Variants in GPC5 observed in about 807,000 individuals in gnomAD.
GPC5 encodes the protein glypican-5.
A neutral mutation model predicts 53.9 loss-of-function variants in GPC5; 47 were observed. The ratio of observed to expected loss-of-function variants is 0.87; its 90% CI spans 0.69 to 1.11. The LOEUF (loss-of-function observed/expected upper bound fraction) is 1.11. GPC5 is among the 50% of genes most tolerant of loss of function. The probability of loss-of-function intolerance (pLI) is 0.00; values close to 1 mark genes in which losing one functional copy is unlikely to be tolerated. For missense variants in GPC5, 748 were observed against 713.1 expected, an observed-to-expected ratio of 1.05 and a Z score of -0.56; for synonymous variants, 286 against 263.3, an observed-to-expected ratio of 1.09 and a Z score of -0.84.
At chr13:92,603,525 T>C (rs1019094463) in intron 7 of GPC5, among the ~76,000 whole-genome samples, 3 of 152,142 alleles carry the variant, frequency 2.0e-5, no homozygotes, top group Admixed American at 6.6e-5. Context: ...GAGGTTTCAA[T>C]GATAGAAATG....
rs187374090 is a variant in GPC5, at chr13:92,589,319, T to C, written c.1562-276963T>C. 7.9e-5 allele frequency among the ~76,000 whole-genome samples: 12 copies of C among 152,276 alleles called. No homozygotes were observed. The East Asian group carries it at 2.1e-3, about 27-fold the overall frequency. Reference sequence around the variant, plus strand: ...AGTTGAAACCTTGAGAGTCATGAGTTCAGTGCAGCAAGGAAGCATCATGCA... The same window carrying C: ...AGTTGAAACCTTGAGAGTCATGAGTCCAGTGCAGCAAGGAAGCATCATGCA... On this transcript the variant is annotated intron_variant, in intron 7 of 7. Coordinates refer to ENST00000377067, the MANE Select transcript of GPC5 (RefSeq NM_004466.6).
intron 5 of GPC5, among the ~76,000 whole-genome samples, chr13:91,851,900 T>C (rs1248525749): frequency 2.7e-5 from 4 of 147,682 alleles, no homozygotes; most frequent in South Asian, 2.1e-4. Flanking sequence ...CAGTCTATCA[T>C]TGTTGGACAT....
intron 5 of GPC5, among the ~76,000 whole-genome samples, chr13:91,868,973 A>G (rs2039114153): frequency 6.6e-6 from 1 of 152,162 alleles, no homozygotes; most frequent in Non-Finnish European, 1.5e-5. Flanking sequence ...GAAAGAAATA[A>G]AGGATCAATT....
At chr13:92,678,062 G>T (rs1887004857) in intron 7 of GPC5, among the ~76,000 whole-genome samples, 1 of 152,048 alleles carries the variant, frequency 6.6e-6, no homozygotes, top group Non-Finnish European at 1.5e-5. Context: ...GTGTTTAGAG[G>T]ATAAGAGTTT....
chr13:92,206,163 T>TA (rs2042334614), intron 7 of GPC5, among the ~76,000 whole-genome samples: 1 of 62,384 alleles, frequency 1.6e-5, no homozygotes, highest in Non-Finnish European at 3.1e-5. Context: ...TTATTTTTTT[T>TA]TTTATTTTTT....
At chr13:91,572,092 T>TGTATATACACACATATGTATATGTAC in intron 2 of GPC5, among the ~76,000 whole-genome samples, 1 of 127,238 alleles carries the variant, frequency 7.9e-6, no homozygotes, top group South Asian at 2.3e-4. Flanking sequence ...TATATGTACA[T>TGTATATACACACATATGTATATGTAC]GTGTGTGTAT....
At chr13:92,461,402 A>G (rs1878473519) in intron 7 of GPC5, among the ~76,000 whole-genome samples, 1 of 152,196 alleles carries the variant, frequency 6.6e-6, no homozygotes, top group Non-Finnish European at 1.5e-5. Context: ...TACTTAACCT[A>G]TGTAGTGTGA....
chr13:92,488,479 A>C (rs1594244164), intron 7 of GPC5, among the ~76,000 whole-genome samples: 1 of 152,142 alleles, frequency 6.6e-6, no homozygotes, highest in Admixed American at 6.5e-5. Context: ...GCCTGCAAAA[A>C]TCCCTCCGTT....
At chr13:92,638,528 C>T (rs1206929798) in intron 7 of GPC5, among the ~76,000 whole-genome samples, 1 of 151,180 alleles carries the variant, frequency 6.6e-6, no homozygotes, top group African/African-American at 2.4e-5. Context: ...GGGCTCTTCC[C>T]CCCATCCCAA....
intron 7 of GPC5, among the ~76,000 whole-genome samples, chr13:92,395,742 A>G (rs1875239001): frequency 6.6e-6 from 1 of 151,810 alleles, no homozygotes; most frequent in Non-Finnish European, 1.5e-5. Context: ...TGGTGCACAT[A>G]TTTCCCTATA....
At chr13:92,445,215 C>T (rs1012713036) in intron 7 of GPC5, among the ~76,000 whole-genome samples, 9 of 149,918 alleles carry the variant, frequency 6.0e-5, no homozygotes, top group Non-Finnish European at 1.3e-4. Context: ...TCCCCTCTCT[C>T]TCCTCTCAAG....
At chr13:91,968,457 CT>C (rs1232035384) in intron 6 of GPC5, among the ~76,000 whole-genome samples, 2 of 151,344 alleles carry the variant, frequency 1.3e-5, no homozygotes, top group African/African-American at 2.4e-5. Context: ...AATGATGCTT[CT>C]TTTTTTTTCT....
intron 6 of GPC5, among the ~76,000 whole-genome samples, chr13:92,074,801 AAAGT>A (rs2041239697): frequency 6.6e-6 from 1 of 152,198 alleles, no homozygotes; most frequent in Admixed American, 6.5e-5. Context: ...GCCAAAAATC[AAAGT>A]GATTCCTTCG....
intron 1 of GPC5, among the ~76,000 whole-genome samples, chr13:91,436,038 C>G (rs1424735097): frequency 6.6e-6 from 1 of 152,154 alleles, no homozygotes; most frequent in East Asian, 1.9e-4. Flanking sequence ...GTGATATCCC[C>G]TTTATCATTT....
chr13:92,037,663 T>A (rs1464751296), intron 6 of GPC5, among the ~76,000 whole-genome samples: 2 of 152,196 alleles, frequency 1.3e-5, no homozygotes, highest in Non-Finnish European at 2.9e-5. Context: ...CCTTAATAAA[T>A]ATGAATTCAG....
chr13:92,319,105 G>T (rs145233571), intron 7 of GPC5, among the ~76,000 whole-genome samples: 18 of 152,238 alleles, frequency 1.2e-4, no homozygotes, highest in African/African-American at 4.3e-4. Flanking sequence ...GAAACTGAAA[G>T]AGTGTCTCAG....
chr13:92,163,668 T>G (rs2042007042), intron 7 of GPC5, among the ~76,000 whole-genome samples: 1 of 152,144 alleles, frequency 6.6e-6, no homozygotes, highest in Non-Finnish European at 1.5e-5. Flanking sequence ...TTCCTAGATG[T>G]AGCTTCAGCA....
chr13:91,507,812 A>T (rs1354443681), intron 2 of GPC5, among the ~76,000 whole-genome samples: 1 of 152,204 alleles, frequency 6.6e-6, no homozygotes, highest in African/African-American at 2.4e-5. Flanking sequence ...GTCAGCACTC[A>T]TATTCCAAGG....
chr13:92,181,289 C>A (rs1480670045), intron 7 of GPC5, among the ~76,000 whole-genome samples: 1 of 152,180 alleles, frequency 6.6e-6, no homozygotes, highest in Non-Finnish European at 1.5e-5. Context: ...CATATAATTT[C>A]TTGCTACTAA....
Sources: gnomAD v4.1 joint callset for allele counts (sites outside exome capture counted in the v4.1 genomes callset) on GRCh38, gnomAD v4.1.1 for gene constraint, MANE v1.5 for transcripts, NCBI Gene and HGNC (gene_info 2026-07-23, HGNC 2026-07-21) for gene names.